The following ATP11C variants were observed in gnomAD, a reference collection of about 807,000 sequenced individuals.
The protein encoded by ATP11C is phospholipid-transporting ATPase IG.
A neutral mutation model predicts 97.4 loss-of-function variants in ATP11C; 36 were observed. The ratio of observed to expected loss-of-function variants is 0.37; its 90% CI spans 0.28 to 0.49. The LOEUF is 0.49. Among genes scored for constraint, ATP11C ranks in the 20% least tolerant of loss-of-function variants. ATP11C has a pLI of 0.98. For synonymous variants in ATP11C, 275 were observed against 290.9 expected (o/e 0.95, Z 0.56); for missense variants, 730 against 824.6 (o/e 0.89, Z 1.40).
chrX:139,798,590 C>A, intron 9 of ATP11C, 89 bp downstream of exon 9: 3 of 770,960 alleles, frequency 3.9e-6, no homozygotes, highest in South Asian at 5.4e-5. Flanking sequence ...AAATGGCAAA[C>A]CTGCCATGTT....
intron 1 of ATP11C, among the ~76,000 whole-genome samples, chrX:139,852,163 C>A (rs773396061): frequency 9.2e-6 from 1 of 109,047 alleles, no homozygotes; most frequent in African/African-American, 3.4e-5. Context: ...AGAAAAAAAA[C>A]CCAACAACTT....
chrX:139,754,821 A>AG (rs756447313), intron 23 of ATP11C, among the ~76,000 whole-genome samples: 5 of 112,216 alleles, frequency 4.5e-5, no homozygotes, highest in African/African-American at 1.6e-4. Context: ...TCAACAAACG[A>AG]GGCACTGAAA....
chrX:139,930,843 A>C (rs2085420939), intron 1 of ATP11C, among the ~76,000 whole-genome samples: 1 of 112,545 alleles, frequency 8.9e-6, no homozygotes. Flanking sequence ...AAAGTTTCAA[A>C]TGAAGGAAAA....
intron 20 of ATP11C, 79 bp downstream of exon 20, chrX:139,768,181 A>AT: frequency 1.3e-6 from 1 of 786,326 alleles, no homozygotes; most frequent in Non-Finnish European, 1.7e-6. Context: ...AGAAGAAATA[A>AT]TTTTTTAAAA....
At chrX:139,742,876 A>AT (rs1468651303) in intron 26 of ATP11C, among the ~76,000 whole-genome samples, 16 of 26,209 alleles carry the variant, frequency 6.1e-4, no homozygotes, top group African/African-American at 2.8e-3. Flanking sequence ...AAAAAAAAAA[A>AT]ATATATATAT....
intron 1 of ATP11C, among the ~76,000 whole-genome samples, chrX:139,840,595 T>C (rs2083813596): frequency 1.8e-5 from 2 of 112,128 alleles, no homozygotes; most frequent in Admixed American, 1.9e-4. Context: ...AAATTTTCTG[T>C]GAACATATCC....
chrX:139,855,093 T>C (rs1036185634), intron 1 of ATP11C, among the ~76,000 whole-genome samples: 1 of 111,956 alleles, frequency 8.9e-6, no homozygotes, highest in Admixed American at 9.5e-5. Flanking sequence ...CACACTAATA[T>C]AAAGGTGAAA....
chrX:139,903,662 C>T (rs1253111160), intron 1 of ATP11C, among the ~76,000 whole-genome samples: 1 of 108,976 alleles, frequency 9.2e-6, no homozygotes, highest in Non-Finnish European at 1.9e-5. Flanking sequence ...AGTTTGCTAT[C>T]CCTCTCTCTG....
At position 139,871,084 on chromosome X, in the gene ATP11C, A is replaced by T. The variant is rs556927794; in HGVS notation, c.28-44261T>A. On this transcript the variant is annotated intron_variant, in intron 1 of 29. Coordinates refer to ENST00000682941, the MANE Select transcript of ATP11C (RefSeq NM_001353812.2). Reference sequence around the variant, plus strand: ...TCTCAAAAAAAAAAAAAAAAAAAAAAGATACACGCACTGTGTATATGTGTG... The same window carrying T: ...TCTCAAAAAAAAAAAAAAAAAAAAATGATACACGCACTGTGTATATGTGTG... Among the ~76,000 whole-genome samples the T allele has an allele frequency of 4.2e-5, 4 of 95,479 alleles. No homozygotes were observed. The South Asian group carries it at 2.0e-3, about 47-fold the overall frequency. The allele number at this position is 95,479 out of a possible 115,157, so 82.9% of individuals were successfully genotyped here.
intron 1 of ATP11C, among the ~76,000 whole-genome samples, chrX:139,882,730 T>C (rs887572976): frequency 3.6e-5 from 4 of 111,816 alleles, no homozygotes; most frequent in Admixed American, 9.5e-5. Context: ...CTGTTCCACA[T>C]GCATTTTCCC....
chrX:139,740,568 C>A (rs1205876136), intron 27 of ATP11C, among the ~76,000 whole-genome samples: 1 of 111,963 alleles, frequency 8.9e-6, no homozygotes, highest in Non-Finnish European at 1.9e-5. Context: ...CCTGTAGTAA[C>A]ATGAATCATG....
chrX:139,930,987 C>G (rs1367135172), intron 1 of ATP11C, among the ~76,000 whole-genome samples: 1 of 112,282 alleles, frequency 8.9e-6, no homozygotes, highest in African/African-American at 3.2e-5. Context: ...ACTCAGCTTT[C>G]AACCCTTTTT....
At chrX:139,896,575 ACAC>A (rs2084809865) in intron 1 of ATP11C, among the ~76,000 whole-genome samples, 1 of 106,905 alleles carries the variant, frequency 9.4e-6, no homozygotes, top group Non-Finnish European at 1.9e-5. Context: ...ACACACACAC[ACAC>A]ACACACACAC....
intron 18 of ATP11C, among the ~76,000 whole-genome samples, chrX:139,778,657 C>T (rs924365633): frequency 7.2e-5 from 8 of 111,325 alleles, no homozygotes; most frequent in Non-Finnish European, 1.1e-4. Context: ...GGTGAAACCC[C>T]GTCTCTACTA....
intron 1 of ATP11C, among the ~76,000 whole-genome samples, chrX:139,850,637 G>A (rs186648024): frequency 3.6e-5 from 4 of 111,661 alleles, no homozygotes; most frequent in African/African-American, 1.3e-4. Flanking sequence ...AACAGGGGCC[G>A]GGGGCAGTGG....
chrX:139,921,440 C>T (rs979897123), intron 1 of ATP11C, among the ~76,000 whole-genome samples: 4 of 111,537 alleles, frequency 3.6e-5, no homozygotes, highest in Non-Finnish European at 7.5e-5. Context: ...TTGCCTTCTG[C>T]CATGATTGGA....
chrX:139,731,641 C>G lies in ATP11C; in HGVS notation c.*3+10G>C, dbSNP rs1447556449. The G allele has an allele frequency of 3.6e-6, 4 of 1,110,831 alleles. No homozygotes were observed. The Admixed American group carries it at 9.4e-5, about 26-fold the overall frequency. The allele number at this position is 1,110,831 out of a possible 1,213,427, so 91.5% of individuals were successfully genotyped here. A position where few individuals can be genotyped will look rare whatever the true frequency, so the allele number is the denominator to read the frequency against. On this transcript the variant is annotated intron_variant, in intron 29 of 29. Coordinates refer to ENST00000682941, the MANE Select transcript of ATP11C (RefSeq NM_001353812.2). ...TTTTAAAGCCAGCCCATTTGTTTAA[C>G]ACTAGGTACCTGTTACAATACATTA...
chrX:139,819,909 G>A (rs1202828199), intron 2 of ATP11C, among the ~76,000 whole-genome samples: 1 of 112,240 alleles, frequency 8.9e-6, no homozygotes, highest in Admixed American at 9.4e-5. Context: ...TGGATGGCCA[G>A]GCACAGTGGT....
chrX:139,910,891 G>A (rs891612363), intron 1 of ATP11C, among the ~76,000 whole-genome samples: 1 of 111,074 alleles, frequency 9.0e-6, no homozygotes, highest in African/African-American at 3.3e-5. Context: ...TCACATATCC[G>A]AAATCTACTT....
Sources: allele counts gnomAD v4.1 joint callset (sites outside exome capture counted in the v4.1 genomes callset), GRCh38; gene constraint gnomAD v4.1.1; transcripts MANE v1.5; gene names NCBI Gene and HGNC (gene_info 2026-07-23, HGNC 2026-07-21).